CEP170: variants seen among roughly 807,000 people sequenced by gnomAD.
The protein encoded by CEP170 is centrosomal protein 170, also known as centrosomal protein of 170 kDa.
CEP170 carries 21 observed loss-of-function variants against 151.9 expected under a neutral mutation model. The ratio of observed to expected loss-of-function variants is 0.14; its 90% CI spans 0.10 to 0.20. The LOEUF (loss-of-function observed/expected upper bound fraction) is 0.20. Among genes scored for constraint, CEP170 ranks in the 10% least tolerant of loss-of-function variants. The pLI, the probability that CEP170 is intolerant of heterozygous loss-of-function variation, is 1.00. For missense variants in CEP170, 964 were observed against 1,892.9 expected (o/e 0.51, Z 9.11); for synonymous variants, 356 against 648.8 (o/e 0.55, Z 6.86).
At chr1:243,241,684 G>C (rs1305919167) in intron 1 of CEP170, among the ~76,000 whole-genome samples, 1 of 151,850 alleles carries the variant, frequency 6.6e-6, no homozygotes, top group Non-Finnish European at 1.5e-5. Context: ...CAGCTAATCG[G>C]GTGGCTGAAG....
At position 243,191,263 on chromosome 1, in the gene CEP170, G is replaced by C. The variant is rs773355000; in HGVS notation, c.863C>G (p.Thr288Ser). 8 of 1,611,038 alleles carry C rather than the reference G, an allele frequency of 5.0e-6. No individual in the cohort carries two copies. The highest frequency in any genetic ancestry group is 5.9e-6 in the Non-Finnish European group (7 of 1,178,716). Residue 288 changes from threonine to serine, a missense_variant, in exon 8 of 20, where the codon ACC (threonine) becomes AGC (serine). Coordinates refer to ENST00000366542, the MANE Select transcript of CEP170 (RefSeq NM_014812.3). Reference sequence around the variant, plus strand: ...GTCTCTAATAGTTACCTTCCCTGGGGTACTGTCATCAAATTCAATGGTAAA... The same window carrying C: ...GTCTCTAATAGTTACCTTCCCTGGGCTACTGTCATCAAATTCAATGGTAAA... ...ASFTIEFDDS[T>S]PGKVTIRDHV...
At chr1:243,127,402 G>A (rs1460019282) in intron 19 of CEP170, among the ~76,000 whole-genome samples, 3 of 152,204 alleles carry the variant, frequency 2.0e-5, no homozygotes. Flanking sequence ...GTTCTCAGGC[G>A]GTGATTTTCA....
chr1:243,131,390 G>A (rs1455495130), intron 17 of CEP170, among the ~76,000 whole-genome samples: 1 of 152,044 alleles, frequency 6.6e-6, no homozygotes, highest in African/African-American at 2.4e-5. Context: ...TACTAAGAAG[G>A]CTGAGGTGGG....
intron 13 of CEP170, among the ~76,000 whole-genome samples, chr1:243,160,891 A>C (rs896476627): frequency 6.6e-6 from 1 of 151,966 alleles, no homozygotes; most frequent in African/African-American, 2.4e-5. Context: ...ATATTAACAT[A>C]ATGTTTTTAT....
chr1:243,244,222 T>C lies in CEP170; in HGVS notation c.-42+10818A>G, dbSNP rs761835509. ...TGTGATAAAACTGCTATCGTGTTCC[T>C]AGTAGAATCAAGATGGTGAGTATAT... On this transcript the variant is annotated intron_variant, in intron 1 of 19. Transcript: ENST00000366542. Among the ~76,000 whole-genome samples the C allele has an allele frequency of 3.3e-5, 5 of 152,180 alleles. No individual in the cohort carries two copies. The East Asian group carries it at 9.6e-4, about 29-fold the overall frequency.
chr1:243,206,166 CT>C (rs1206807019), intron 4 of CEP170, among the ~76,000 whole-genome samples: 1 of 152,170 alleles, frequency 6.6e-6, no homozygotes, highest in Non-Finnish European at 1.5e-5. Flanking sequence ...GATGGAGTCT[CT>C]CTTTTGCCCA....
At chr1:243,217,615 C>CAA (rs1022083923) in intron 3 of CEP170, among the ~76,000 whole-genome samples, 3 of 151,836 alleles carry the variant, frequency 2.0e-5, no homozygotes, top group African/African-American at 7.3e-5. Flanking sequence ...TTTCAGTTCA[C>CAA]AAAAAATGCA....
intron 1 of CEP170, among the ~76,000 whole-genome samples, chr1:243,241,519 G>C (rs1572617721): frequency 6.6e-6 from 1 of 152,196 alleles, no homozygotes; most frequent in South Asian, 2.1e-4. Flanking sequence ...GCCGGGAGTG[G>C]TGGCTCGCGT....
intron 4 of CEP170, among the ~76,000 whole-genome samples, chr1:243,205,926 C>T (rs1395502150): frequency 7.4e-6 from 1 of 135,034 alleles, no homozygotes; most frequent in African/African-American, 2.8e-5. Flanking sequence ...AAACAACAAA[C>T]AAAAAGAAAG....
intron 14 of CEP170, among the ~76,000 whole-genome samples, chr1:243,150,309 C>A (rs957366242): frequency 1.3e-5 from 2 of 152,090 alleles, no homozygotes. Context: ...TGCCATCACA[C>A]CCGGCTAATT....
Position 243,185,019 on chromosome 1 carries a change from G to C in CEP170, c.1566+760C>G, listed in dbSNP as rs1476224380. On this transcript the variant is annotated intron_variant, in intron 10 of 19. Coordinates refer to ENST00000366542, the MANE Select transcript of CEP170 (RefSeq NM_014812.3). This position sits in a 1 kb window ranked among gnomAD's most constrained non-coding sequence, Gnocchi z 4.9. ...TTGCAAGAGGTAATATGAGGTTGGT[G>C]CAAAAGTCACTGCGGTTTTTGCCAT... Among the ~76,000 whole-genome samples, 2 of 152,198 alleles carry C rather than the reference G, an allele frequency of 1.3e-5. No individual in the cohort carries two copies. Among genetic ancestry groups the C allele is most frequent in the African/African-American group, 4.8e-5 (2 of 41,460 alleles).
intron 3 of CEP170, among the ~76,000 whole-genome samples, chr1:243,218,890 G>A (rs1348576628): frequency 2.6e-5 from 4 of 152,006 alleles, no homozygotes; most frequent in African/African-American, 9.7e-5. Flanking sequence ...TTTGTCCAAG[G>A]TGACATCAAA....
chr1:243,226,274 A>G (rs1011782100), intron 1 of CEP170, among the ~76,000 whole-genome samples: 1 of 149,812 alleles, frequency 6.7e-6, no homozygotes, highest in East Asian at 2.0e-4. Context: ...TAGTTTACAT[A>G]TTAAAATGAA....
chr1:243,245,140 A>T (rs1196732901), intron 1 of CEP170, among the ~76,000 whole-genome samples: 1 of 152,216 alleles, frequency 6.6e-6, no homozygotes, highest in Non-Finnish European at 1.5e-5. Flanking sequence ...TGAACAAGTG[A>T]ATATAATGTA....
At chr1:243,169,394 A>C (rs2058669742) in intron 12 of CEP170, 12 of 646,226 alleles carry the variant, frequency 1.9e-5, no homozygotes, top group Non-Finnish European at 3.0e-5. Flanking sequence ...AAAATATACA[A>C]TATCTAATAA....
At chr1:243,211,742 T>A (rs771971773) in intron 4 of CEP170, 144 bp downstream of exon 4, 10 of 903,162 alleles carry the variant, frequency 1.1e-5, no homozygotes, top group Non-Finnish European at 1.3e-5. Context: ...TAAAAATATA[T>A]ATGTATTTTA....
intron 6 of CEP170, among the ~76,000 whole-genome samples, chr1:243,200,017 A>C (rs2060919880): frequency 6.6e-6 from 1 of 152,088 alleles, no homozygotes; most frequent in South Asian, 2.1e-4. Context: ...CAGATGAAAA[A>C]TGTTTTGGGG....
In CEP170 at chr1:243,165,662, G is replaced by T. The variant is rs1216651831; in HGVS notation, c.2298C>A (p.Ser766=). ...TATCTGTCTGACCTGAAACATTTTT[G>T]GAAGACAATTTAGTAGGTGTCCACT... The part of the protein sequence containing the change: ...EAQWTPTKLS[S]KNVSGQTDKC... Residue 766 remains serine, a synonymous_variant, in exon 13 of 20, where the codon TCC becomes TCA. Transcript: ENST00000366542. 13 of 1,613,918 alleles carry T rather than the reference G, an allele frequency of 8.1e-6. No individual in the cohort carries two copies. Among genetic ancestry groups the T allele is most frequent in the Non-Finnish European group, 1.1e-5 (13 of 1,179,906 alleles).
intron 10 of CEP170, among the ~76,000 whole-genome samples, chr1:243,184,346 C>A (rs1046438459): frequency 4.6e-5 from 7 of 151,916 alleles, no homozygotes; most frequent in Non-Finnish European, 5.9e-5. Context: ...TCTTAAATTG[C>A]ACTCTCTCTC....
Sources: gnomAD v4.1 joint callset for allele counts (sites outside exome capture counted in the v4.1 genomes callset) on GRCh38, gnomAD v4.1.1 for gene constraint, Gnocchi (gnomAD v3.1) non-coding constraint, MANE v1.5 for transcripts, NCBI Gene and HGNC (gene_info 2026-07-23, HGNC 2026-07-21) for gene names.